The following PLA2G4C variants were observed in gnomAD, a reference collection of about 807,000 sequenced individuals.
The protein encoded by PLA2G4C is cytosolic phospholipase A2 gamma.
PLA2G4C carries 64 observed loss-of-function variants against 73.8 expected under a neutral mutation model. That is an observed-to-expected ratio of 0.87 (90% CI 0.71 to 1.07). The LOEUF is 1.07. Among genes scored for constraint, PLA2G4C ranks in the 50% least tolerant of loss-of-function variants. The pLI is 0.00. For missense variants in PLA2G4C, 622 were observed against 665.4 expected, an observed-to-expected ratio of 0.93 and a Z score of 0.72; for synonymous variants, 254 against 252.1, an observed-to-expected ratio of 1.01 and a Z score of -0.07.
chr19:48,067,271 G>T (rs1348102206), intron 13 of PLA2G4C, among the ~76,000 whole-genome samples: 6 of 151,388 alleles, frequency 4.0e-5, no homozygotes, highest in Non-Finnish European at 8.8e-5. Context: ...GGGTTCAAAC[G>T]ATTCTCCTGC....
At chr19:48,057,374 A>C (rs1047502502) in intron 14 of PLA2G4C, among the ~76,000 whole-genome samples, 1 of 151,568 alleles carries the variant, frequency 6.6e-6, no homozygotes, top group African/African-American at 2.4e-5. Flanking sequence ...TTATGTACTC[A>C]AAGGTGGCTT....
chr19:48,090,256 G>T, intron 8 of PLA2G4C, 108 bp downstream of exon 8: 1 of 834,944 alleles, frequency 1.2e-6, no homozygotes, highest in Non-Finnish European at 2.1e-6. Context: ...GCAGTTGCTA[G>T]AACAATTACA....
intron 6 of PLA2G4C, 60 bp from the exon 7 acceptor site, chr19:48,095,664 T>C (rs772860388): frequency 1.4e-4 from 211 of 1,538,504 alleles, no homozygotes; most frequent in Admixed American, 2.0e-4. Flanking sequence ...GTAGCAGGTA[T>C]GCAGGAAAAA....
At chr19:48,056,039 GAGA>G (rs1270219182) in intron 14 of PLA2G4C, among the ~76,000 whole-genome samples, 9 of 152,194 alleles carry the variant, frequency 5.9e-5, no homozygotes, top group Admixed American at 1.3e-4. Flanking sequence ...GAAACTTAAT[GAGA>G]AGTAGTTTCT....
intron 7 of PLA2G4C, among the ~76,000 whole-genome samples, chr19:48,091,883 C>CAAAAAAAAAAA (rs35118449): frequency 2.4e-4 from 5 of 21,104 alleles, no homozygotes; most frequent in African/African-American, 4.1e-4. Flanking sequence ...GACTCCATCT[C>CAAAAAAAAAAA]AAAAAAAAAA....
intron 12 of PLA2G4C, among the ~76,000 whole-genome samples, chr19:48,069,419 A>G (rs147584718): frequency 1.3e-5 from 2 of 152,148 alleles, no homozygotes; most frequent in Non-Finnish European, 2.9e-5. Flanking sequence ...AGAGGCTGCC[A>G]AGTCAGTCAG....
In PLA2G4C at chr19:48,048,110, G is replaced by A; in HGVS notation, c.*233C>T. On this transcript the variant is annotated 3_prime_UTR_variant, in exon 17 of 17. Coordinates refer to ENST00000599921, the MANE Select transcript of PLA2G4C (RefSeq NM_003706.3). ...ATGCTCCAGCTCCAGGATCTCCCGA[G>A]GGACCTGCAGGACAAATTTCACCAC... 1.9e-6 allele frequency: 1 copy of A among 523,664 alleles called. No homozygotes were observed. Among genetic ancestry groups the A allele is most frequent in the Non-Finnish European group, 3.3e-6 (1 of 302,284 alleles). The allele number at this position is 523,664 out of a possible 1,614,324, so 32.4% of individuals were successfully genotyped here.
At position 48,110,480 on chromosome 19, in the gene PLA2G4C, G is replaced by T; in HGVS notation, c.-33+7C>A. The T allele has an allele frequency of 7.2e-7, 1 of 1,385,868 alleles. No homozygotes were observed. Among genetic ancestry groups the T allele is most frequent in the South Asian group, 1.4e-5 (1 of 69,022 alleles). The allele number at this position is 1,385,868 out of a possible 1,614,324, so 85.8% of individuals were successfully genotyped here. On this transcript the variant is annotated splice_region_variant and intron_variant, in intron 1 of 16. Transcript: ENST00000599921. The stretch of plus-strand genomic sequence containing the variant: ...ATGAAACAGCCCTCCCTGCCCCCAC[G>T]GCTTGCCTGAGCCTGGGTCTGGGGC...
At chr19:48,083,392 C>CTTTTTTTTTTTTTTTTTTTGTTTTTTTTT in intron 10 of PLA2G4C, among the ~76,000 whole-genome samples, 1 of 105,836 alleles carries the variant, frequency 9.4e-6, no homozygotes, top group Non-Finnish European at 1.9e-5. Flanking sequence ...ATTTTCTTTT[C>CTTTTTTTTTTTTTTTTTTTGTTTTTTTTT]TTTTTTTTTT....
intron 4 of PLA2G4C, among the ~76,000 whole-genome samples, chr19:48,102,979 G>A (rs80326740): frequency 0.013 from 2,005 of 152,238 alleles, 43 homozygotes; most frequent in African/African-American, 0.046. Flanking sequence ...GTCTGGGCTC[G>A]TAACAGCCCA....
chr19:48,056,334 G>A (rs1307801749), intron 14 of PLA2G4C, among the ~76,000 whole-genome samples: 2 of 152,070 alleles, frequency 1.3e-5, no homozygotes, highest in Non-Finnish European at 2.9e-5. Context: ...GATCACCTGA[G>A]GTCAGGAGTT....
intron 10 of PLA2G4C, among the ~76,000 whole-genome samples, chr19:48,082,496 C>CTTTTT (rs66641645): frequency 0.02 from 2,109 of 106,188 alleles, 1 homozygote; most frequent in Non-Finnish European, 0.026. Flanking sequence ...TTCTTTCTTT[C>CTTTTT]TTTTTTTTTT....
At chr19:48,063,333 G>A (rs891872494) in intron 13 of PLA2G4C, among the ~76,000 whole-genome samples, 1 of 152,046 alleles carries the variant, frequency 6.6e-6, no homozygotes, top group Non-Finnish European at 1.5e-5. Flanking sequence ...TGAGCCACGG[G>A]CCGGCCAACA....
chr19:48,051,107 C>A (rs781035163), intron 16 of PLA2G4C, among the ~76,000 whole-genome samples: 1 of 151,918 alleles, frequency 6.6e-6, no homozygotes, highest in Non-Finnish European at 1.5e-5. Context: ...AAGAGCAAGG[C>A]GGGAGGTCAG....
chr19:48,086,417 G>A (rs543025600), intron 9 of PLA2G4C, among the ~76,000 whole-genome samples: 2 of 152,222 alleles, frequency 1.3e-5, no homozygotes, highest in South Asian at 4.1e-4. Context: ...CAGCACATGG[G>A]TCTGAAAACC....
chr19:48,050,940 G>A (rs2122413648), intron 16 of PLA2G4C, among the ~76,000 whole-genome samples: 1 of 152,170 alleles, frequency 6.6e-6, no homozygotes, highest in Non-Finnish European at 1.5e-5. Context: ...CTCCCAAAGT[G>A]CTGGGATTAC....
intron 10 of PLA2G4C, among the ~76,000 whole-genome samples, chr19:48,082,819 T>C (rs1326259998): frequency 5.5e-5 from 8 of 144,474 alleles, no homozygotes; most frequent in African/African-American, 1.0e-4. Context: ...TTCTTTCTTT[T>C]TTTTTTTTTT....
chr19:48,064,168 C>T (rs935637617), intron 13 of PLA2G4C, among the ~76,000 whole-genome samples: 1 of 152,166 alleles, frequency 6.6e-6, no homozygotes, highest in Non-Finnish European at 1.5e-5. Context: ...GTGGCTCACG[C>T]CTGTAATCCC....
intron 16 of PLA2G4C, among the ~76,000 whole-genome samples, chr19:48,051,393 G>A (rs1010167683): frequency 1.2e-4 from 18 of 152,186 alleles, no homozygotes; most frequent in Non-Finnish European, 2.6e-4. Flanking sequence ...CTGACTCACA[G>A]TTCCATGTGG....
Sources: allele counts gnomAD v4.1 joint callset (sites outside exome capture counted in the v4.1 genomes callset), GRCh38; gene constraint gnomAD v4.1.1; transcripts MANE v1.5; gene names NCBI Gene and HGNC (gene_info 2026-07-23, HGNC 2026-07-21).